The following MFAP1 variants were observed in gnomAD, a reference collection of about 807,000 sequenced individuals.
MFAP1 encodes the protein microfibril associated protein 1.
Under a neutral mutation model 62.2 loss-of-function variants are expected in MFAP1, and 18 were observed. That is an observed-to-expected ratio of 0.29 (90% confidence interval 0.20 to 0.43). The LOEUF is 0.43. Ranked by LOEUF, MFAP1 falls within the 20% of genes least tolerant of loss-of-function variation. MFAP1 has a pLI of 1.00. For missense variants in MFAP1, 355 were observed against 559.7 expected, an observed-to-expected ratio of 0.63 and a Z score of 3.69; for synonymous variants, 175 against 180.4, an observed-to-expected ratio of 0.97 and a Z score of 0.24.
chr15:43,806,623 C>A (rs1368684065), intron 7 of MFAP1, among the ~76,000 whole-genome samples: 3 of 152,214 alleles, frequency 2.0e-5, no homozygotes, highest in Non-Finnish European at 4.4e-5. Context: ...GCCCGTAATC[C>A]CAGCACTTTG....
chr15:43,810,613 C>T (rs570509035), intron 6 of MFAP1, among the ~76,000 whole-genome samples: 4 of 152,198 alleles, frequency 2.6e-5, no homozygotes, highest in East Asian at 1.9e-4. Flanking sequence ...GTGATCCGCC[C>T]GCCTTGGCCT....
intron 6 of MFAP1, among the ~76,000 whole-genome samples, chr15:43,811,132 G>A (rs2087397997): frequency 6.6e-6 from 1 of 151,112 alleles, no homozygotes; most frequent in African/African-American, 2.4e-5. Flanking sequence ...TACAGGCTGA[G>A]GGCCAGGCGT....
intron 6 of MFAP1, 127 bp downstream of exon 6, chr15:43,812,860 T>A: frequency 1.8e-6 from 2 of 1,136,216 alleles, no homozygotes; most frequent in Non-Finnish European, 2.5e-6. Context: ...TATAGGAAAC[T>A]CACAAAGCAA....
chr15:43,804,701 G>A lies in MFAP1; in HGVS notation c.*393C>T, dbSNP rs141757114. ...CATGTTTCCATGAGCTTAGATTTCC[G>A]GGTATATTACTCCTAAACCTAAGGT... is the stretch of plus-strand genomic sequence containing the variant. On this transcript the variant is annotated 3_prime_UTR_variant, in exon 9 of 9. Coordinates refer to ENST00000267812, the MANE Select transcript of MFAP1 (RefSeq NM_005926.3). The A allele has an allele frequency of 6.4e-4, 103 of 161,474 alleles. No homozygotes were observed. Among genetic ancestry groups the A allele is most frequent in the African/African-American group, 2.2e-3 (94 of 41,940 alleles). The allele number at this position is 161,474 out of a possible 1,614,324, so 10.0% of individuals were successfully genotyped here. A position where few individuals can be genotyped will look rare whatever the true frequency, so the allele number is the denominator to read the frequency against.
Position 43,813,351 on chromosome 15 carries a change from G to T in MFAP1, c.624C>A (p.Asp208Glu). ...RLKPVFIRKK[D>E]RVTVQEREAE... ...CTTCACGTTCTTGAACTGTCACTCG[G>T]TCCTTCCTGCATCACAGAGATCCTG... Residue 208 changes from aspartate (D) to glutamate (E), a missense_variant, in exon 5 of 9, where the codon GAC (aspartate) becomes GAA (glutamate). Coordinates refer to ENST00000267812, the MANE Select transcript of MFAP1 (RefSeq NM_005926.3). The T allele has an allele frequency of 1.9e-6, 3 of 1,606,670 alleles. No individual in the cohort carries two copies. Among genetic ancestry groups the T allele is most frequent in the South Asian group, 1.1e-5 (1 of 90,286 alleles).
rs774587854 is a variant in MFAP1, at chr15:43,813,076, A to T, written c.798T>A (p.Asn266Lys). The change falls in exon 6 of 9, where the codon AAT becomes AAA. Residue 266 changes from asparagine to lysine, a missense_variant. By Grantham distance (94) the Asn-to-Lys change is moderately conservative. Transcript: ENST00000267812. ...KRSLAALDAL[N>K]TDDENDEEEY... ...CCTCCTCATCATTTTCATCATCAGT[A>T]TTGAGTGCATCCAATGCAGCCAGGG... 7.4e-6 allele frequency: 12 copies of T among 1,613,968 alleles called. No homozygotes were observed. The highest frequency in any genetic ancestry group is 1.0e-5 in the Non-Finnish European group (12 of 1,180,034).
In MFAP1 at chr15:43,804,886, A is replaced by AC. The variant is rs2087351823; in HGVS notation, c.*207dup. 1 of 467,120 alleles carries AC rather than the reference A, an allele frequency of 2.1e-6. No homozygotes were observed. The highest frequency in any genetic ancestry group is 3.7e-6 in the Non-Finnish European group (1 of 267,180). The allele number at this position is 467,120 out of a possible 1,614,324, so 28.9% of individuals were successfully genotyped here. ...TTTTAAGTGGGAAGCCTCTAATCCT[A>AC]CCTGGACAGTGCTTTCCTGTGGGTT... On this transcript the variant is annotated 3_prime_UTR_variant, in exon 9 of 9. Coordinates refer to ENST00000267812, the MANE Select transcript of MFAP1 (RefSeq NM_005926.3).
intron 1 of MFAP1, among the ~76,000 whole-genome samples, chr15:43,822,200 CAAAAAAA>C (rs779775224): frequency 1.5e-5 from 1 of 65,954 alleles, no homozygotes; most frequent in Non-Finnish European, 3.4e-5. Flanking sequence ...AACTCTTTCT[CAAAAAAA>C]AAAAAAAAAA....
At chr15:43,819,753 G>A (rs541156626) in intron 1 of MFAP1, among the ~76,000 whole-genome samples, 61 of 152,246 alleles carry the variant, frequency 4.0e-4, no homozygotes, top group Non-Finnish European at 7.4e-4. Context: ...GGCTGGTCTT[G>A]AACTCCTGAC....
At chr15:43,819,536 A>T (rs1306902492) in intron 1 of MFAP1, among the ~76,000 whole-genome samples, 1 of 151,946 alleles carries the variant, frequency 6.6e-6, no homozygotes, top group African/African-American at 2.4e-5. Flanking sequence ...TTATTTATTT[A>T]TTTATTTTTT....
chr15:43,814,852 G>A lies in MFAP1; in HGVS notation c.429+93C>T. The A allele has an allele frequency of 1.9e-6, 3 of 1,545,982 alleles. No homozygotes were observed. The South Asian group carries it at 3.6e-5, about 19-fold the overall frequency. ...ACATGATCAGAGTCCTGCCAAAGCAGTGATCTCATGTTTTTAAGGCTTCAA... is the reference window on the plus strand; with the variant it reads ...ACATGATCAGAGTCCTGCCAAAGCAATGATCTCATGTTTTTAAGGCTTCAA... On this transcript the variant is annotated intron_variant, in intron 3 of 8. Transcript: ENST00000267812.
chr15:43,813,622 G>A (rs901699266), intron 4 of MFAP1, among the ~76,000 whole-genome samples: 9 of 147,062 alleles, frequency 6.1e-5, no homozygotes, highest in African/African-American at 2.3e-4. Flanking sequence ...GCAATTCTCT[G>A]CCTCAGCCTC....
chr15:43,817,189 T>C, intron 2 of MFAP1, 40 bp downstream of exon 2: 1 of 1,551,614 alleles, frequency 6.4e-7, no homozygotes, highest in Non-Finnish European at 8.9e-7. Context: ...TATTAAGCTG[T>C]AGAGGTTCAT....
At chr15:43,814,417 T>C (rs2087421883) in intron 4 of MFAP1, 84 bp downstream of exon 4, 1 of 1,452,574 alleles carries the variant, frequency 6.9e-7, no homozygotes, top group African/African-American at 1.4e-5. Flanking sequence ...GATTTCAGAA[T>C]AGCAAGACAG....
intron 6 of MFAP1, among the ~76,000 whole-genome samples, chr15:43,812,252 C>T (rs1596056340): frequency 1.3e-5 from 2 of 150,820 alleles, no homozygotes; most frequent in East Asian, 2.0e-4. Context: ...ACAAATTCTT[C>T]CCCTCACAGT....
chr15:43,809,493 T>TAA (rs760823604), intron 7 of MFAP1, among the ~76,000 whole-genome samples: 1 of 139,472 alleles, frequency 7.2e-6, no homozygotes, highest in Non-Finnish European at 1.6e-5. Flanking sequence ...CTCTGTCTCT[T>TAA]AAAAAAAAAA....
At chr15:43,823,381 C>CT (rs200413511) in intron 1 of MFAP1, among the ~76,000 whole-genome samples, 119 of 141,936 alleles carry the variant, frequency 8.4e-4, no homozygotes, top group Middle Eastern at 3.6e-3. Flanking sequence ...GCAGAACTTT[C>CT]TTTTTTTTTT....
chr15:43,822,010 A>G (rs367855207), intron 1 of MFAP1, among the ~76,000 whole-genome samples: 1 of 152,124 alleles, frequency 6.6e-6, no homozygotes, highest in African/African-American at 2.4e-5. Context: ...ATAGATTTGG[A>G]ATATATAAAA....
At chr15:43,815,219 G>T in intron 2 of MFAP1, 145 bp from the exon 3 acceptor site, 1 of 1,030,892 alleles carries the variant, frequency 9.7e-7, no homozygotes, top group Non-Finnish European at 1.4e-6. Flanking sequence ...TTGCTCTGTC[G>T]CCCAGGCTGC....
Sources: allele counts gnomAD v4.1 joint callset (sites outside exome capture counted in the v4.1 genomes callset), GRCh38; gene constraint gnomAD v4.1.1; transcripts MANE v1.5; gene names NCBI Gene and HGNC (gene_info 2026-07-23, HGNC 2026-07-21).